C12orf42: variants seen among roughly 807,000 people sequenced by gnomAD.
C12orf42 encodes the protein uncharacterized protein C12orf42.
Under a neutral mutation model 21.6 loss-of-function variants are expected in C12orf42, and 25 were observed. The observed-to-expected ratio is 1.16, with a 90% CI of 0.84 to 1.62. The LOEUF is 1.62. Among genes scored for constraint, C12orf42 ranks in the 40% most tolerant of loss-of-function variants. The pLI, the probability that C12orf42 is intolerant of heterozygous loss-of-function variation, is 0.00. For synonymous variants in C12orf42, 174 were observed against 175.0 expected, an observed-to-expected ratio of 0.99 and a Z score of 0.05; for missense variants, 483 against 459.3, an observed-to-expected ratio of 1.05 and a Z score of -0.47.
At chr12:103,115,787 T>C in the C12orf42 span, among the ~76,000 whole-genome samples, 1 of 152,216 alleles carries the variant, frequency 6.6e-6, no homozygotes, top group East Asian at 1.9e-4. Context: ...TTGGATTTTC[T>C]TGGTAAGGGA....
chr12:103,488,516 A>C lies in C12orf42; in HGVS notation c.-22+7386T>G, dbSNP rs537565773. On this transcript the variant is annotated intron_variant, in intron 1 of 5. Coordinates refer to ENST00000548883, the MANE Select transcript of C12orf42 (RefSeq NM_198521.5). ...TTGGCCTGCCTTGGTAGGTTGAGGAAGTTCTCCTGAACAATATCCTGAAGA... is the reference window on the plus strand; with the variant it reads ...TTGGCCTGCCTTGGTAGGTTGAGGACGTTCTCCTGAACAATATCCTGAAGA... Among the ~76,000 whole-genome samples the C allele has an allele frequency of 9.3e-4, 142 of 152,328 alleles. 3 individuals are homozygous for C. In the South Asian group the frequency reaches 0.01, roughly 11 times the overall value.
chr12:103,526,792 T>G, the C12orf42 span, among the ~76,000 whole-genome samples: 1 of 152,178 alleles, frequency 6.6e-6, no homozygotes. Flanking sequence ...CTGAATCAGC[T>G]GGCATTTCAA....
the C12orf42 span, among the ~76,000 whole-genome samples, chr12:103,114,659 G>A: frequency 6.6e-6 from 1 of 152,196 alleles, no homozygotes; most frequent in East Asian, 1.9e-4. Context: ...AGAATGCAAG[G>A]AGACTTGGAT....
chr12:103,115,892 A>G, the C12orf42 span, among the ~76,000 whole-genome samples: 1 of 152,222 alleles, frequency 6.6e-6, no homozygotes, highest in East Asian at 1.9e-4. Flanking sequence ...GCACATGAGC[A>G]TGAGTTCAGT....
At chr12:103,140,951 A>G in the C12orf42 span, among the ~76,000 whole-genome samples, 1 of 152,190 alleles carries the variant, frequency 6.6e-6, no homozygotes, top group African/African-American at 2.4e-5. Context: ...AAAGCTAAAT[A>G]TAAGCCTGCA....
chr12:103,307,128 C>T (rs540807781), intron 4 of C12orf42, among the ~76,000 whole-genome samples: 3 of 152,088 alleles, frequency 2.0e-5, no homozygotes, highest in African/African-American at 7.2e-5. Context: ...TTAAGTCACC[C>T]ATTTTGTGGT....
the C12orf42 span, among the ~76,000 whole-genome samples, chr12:103,100,166 T>C: frequency 1.3e-5 from 2 of 152,258 alleles, no homozygotes; most frequent in African/African-American, 4.8e-5. Context: ...AGGCCCAGTG[T>C]GTCTTGCCTG....
chr12:103,178,990 C>A, the C12orf42 span, among the ~76,000 whole-genome samples: 1 of 152,186 alleles, frequency 6.6e-6, no homozygotes, highest in Non-Finnish European at 1.5e-5. Context: ...GTTTTGGCAT[C>A]TTTCAGGAAC....
the C12orf42 span, among the ~76,000 whole-genome samples, chr12:103,232,089 G>A: frequency 9.9e-5 from 15 of 152,054 alleles, no homozygotes; most frequent in African/African-American, 3.6e-4. Flanking sequence ...ATGCTCATTT[G>A]CCACCTAGAT....
the C12orf42 span, among the ~76,000 whole-genome samples, chr12:103,123,294 T>C: frequency 7.9e-5 from 12 of 152,150 alleles, no homozygotes; most frequent in African/African-American, 2.9e-4. Flanking sequence ...TAGGGAGTGC[T>C]GAAGGCTTCA....
Position 103,406,931 on chromosome 12 carries a change from T to C in C12orf42, c.79-5256A>G, listed in dbSNP as rs535813836. 8.5e-5 allele frequency among the ~76,000 whole-genome samples: 13 copies of C among 152,356 alleles called. No homozygotes were observed. The South Asian group carries it at 1.2e-3, about 15-fold the overall frequency. On this transcript the variant is annotated intron_variant, in intron 2 of 5. Transcript: ENST00000548883. ...GAAAGTGTAGACTGAGAGAACATTC[T>C]GACTCTGCTATGAGCTGCTGCCAGG... is the stretch of plus-strand genomic sequence containing the variant.
intron 2 of C12orf42, among the ~76,000 whole-genome samples, chr12:103,438,869 G>T (rs1259089055): frequency 6.6e-6 from 1 of 150,778 alleles, no homozygotes; most frequent in Non-Finnish European, 1.5e-5. Flanking sequence ...TCCCCATCAA[G>T]CTACCAATGA....
intron 1 of C12orf42, among the ~76,000 whole-genome samples, chr12:103,482,630 G>A (rs938248928): frequency 6.6e-6 from 1 of 152,066 alleles, no homozygotes; most frequent in Admixed American, 6.6e-5. Flanking sequence ...CTTCCTGTAT[G>A]TTAGGATATA....
intron 4 of C12orf42, among the ~76,000 whole-genome samples, chr12:103,293,560 C>T (rs2036959178): frequency 6.6e-6 from 1 of 152,090 alleles, no homozygotes; most frequent in African/African-American, 2.4e-5. Flanking sequence ...CTGATCTCTC[C>T]CTTCTCTAAC....
chr12:103,462,100 T>TG (rs1342981652), intron 2 of C12orf42, among the ~76,000 whole-genome samples: 1 of 65,516 alleles, frequency 1.5e-5, no homozygotes, highest in South Asian at 5.7e-4. Context: ...TGCTTGGTTT[T>TG]TTTTTTTTTT....
chr12:103,272,242 G>C (rs1421091592), intron 5 of C12orf42, among the ~76,000 whole-genome samples: 3 of 152,124 alleles, frequency 2.0e-5, no homozygotes, highest in Non-Finnish European at 4.4e-5. Context: ...CTTATTTCTA[G>C]GTCTCTAGCA....
chr12:103,533,440 T>C, the C12orf42 span, among the ~76,000 whole-genome samples: 1 of 152,128 alleles, frequency 6.6e-6, no homozygotes, highest in East Asian at 1.9e-4. Flanking sequence ...CTCAGACACA[T>C]TTTCTCTCTG....
chr12:103,108,803 A>G, the C12orf42 span, among the ~76,000 whole-genome samples: 1 of 152,300 alleles, frequency 6.6e-6, no homozygotes, highest in South Asian at 2.1e-4. Context: ...TGCAAAACAC[A>G]TATCTGACAA....
intron 4 of C12orf42, among the ~76,000 whole-genome samples, chr12:103,329,422 C>T (rs2041016579): frequency 1.3e-5 from 2 of 152,026 alleles, no homozygotes; most frequent in South Asian, 2.1e-4. Flanking sequence ...GGACAAATAC[C>T]TAATGCATGT....
Sources: allele counts gnomAD v4.1 joint callset (sites outside exome capture counted in the v4.1 genomes callset), GRCh38; gene constraint gnomAD v4.1.1; transcripts MANE v1.5; gene names NCBI Gene and HGNC (gene_info 2026-07-23, HGNC 2026-07-21).